The following THADA variants were observed in gnomAD, a reference collection of about 807,000 sequenced individuals.
The protein encoded by THADA is THADA armadillo repeat containing, also known as tRNA (32-2'-O)-methyltransferase regulator THADA.
THADA carries 213 observed loss-of-function variants against 219.8 expected under a neutral mutation model. The ratio of observed to expected loss-of-function variants is 0.97; its 90% CI spans 0.87 to 1.09. The LOEUF (loss-of-function observed/expected upper bound fraction) is 1.09. Ranked by LOEUF, THADA falls within the 50% of genes least tolerant of loss-of-function variation. The probability of loss-of-function intolerance (pLI) is 0.00; values close to 1 mark genes in which losing one functional copy is unlikely to be tolerated. For missense variants in THADA, 2,956 were observed against 2,311.3 expected, an observed-to-expected ratio of 1.28 and a Z score of -5.72; for synonymous variants, 1,018 against 828.9, an observed-to-expected ratio of 1.23 and a Z score of -3.92.
At chr2:43,350,180 C>A (rs1045403049) in intron 29 of THADA, among the ~76,000 whole-genome samples, 1 of 152,114 alleles carries the variant, frequency 6.6e-6, no homozygotes, top group African/African-American at 2.4e-5. Flanking sequence ...CGACTTAATT[C>A]ATACAAACAG....
rs776478700 is a variant in THADA, at chr2:43,231,160, GAGAC to G, written c.5646_5649del (p.Gln1884SerfsTer12). On this transcript the variant is annotated frameshift_variant, in exon 38 of 38. Coordinates refer to ENST00000405975, the MANE Select transcript of THADA (RefSeq NM_022065.5). LOFTEE classifies it high-confidence loss of function. ...GCTGGTGGAAGCTCTCTGAAGAACT[GAGAC>G]AGGAGGTGGCACTGCTCTGACACCA... The G allele has an allele frequency of 7.4e-6, 12 of 1,613,864 alleles. No individual in the cohort carries two copies. Among genetic ancestry groups the G allele is most frequent in the African/African-American group, 1.3e-5 (1 of 75,044 alleles).
Position 43,231,170 on chromosome 2 carries a change from G to A in THADA, c.5640C>T (p.His1880=). 1.2e-6 allele frequency: 2 copies of A among 1,613,872 alleles called. No homozygotes were observed. Among genetic ancestry groups the A allele is most frequent in the Non-Finnish European group, 1.7e-6 (2 of 1,179,836 alleles). Residue 1880 remains histidine (H), a synonymous_variant, in exon 38 of 38, where the codon CAC becomes CAT. Transcript: ENST00000405975. Reference sequence around the variant, plus strand: ...GCTCTCTGAAGAACTGAGACAGGAGGTGGCACTGCTCTGACACCATCCTTT... The same window carrying A: ...GCTCTCTGAAGAACTGAGACAGGAGATGGCACTGCTCTGACACCATCCTTT... ...HLQRMVSEQC[H]LLSQFFRELP...
intron 27 of THADA, 73 bp downstream of exon 27, chr2:43,430,140 A>T: frequency 1.4e-6 from 1 of 707,396 alleles, no homozygotes; most frequent in Non-Finnish European, 2.2e-6. Flanking sequence ...ACAGCTGCCT[A>T]GAGGGAAAAT....
chr2:43,586,893 T>C lies in THADA; in HGVS notation c.412A>G (p.Thr138Ala). 2 of 1,613,912 alleles carry C rather than the reference T, an allele frequency of 1.2e-6. No individual in the cohort carries two copies. Among genetic ancestry groups the C allele is most frequent in the Non-Finnish European group, 1.7e-6 (2 of 1,179,854 alleles). Residue 138 changes from threonine (T) to alanine (A), a missense_variant, in exon 5 of 38, where the codon ACT becomes GCT. Physicochemically the swap from Thr to Ala is moderately conservative, Grantham distance 58 (BLOSUM62 0). Transcript: ENST00000405975. ...TTDLYSYRKV[T>A]DNISSCMENF... ...TCCATACAGGAAGAAATATTGTCAG[T>C]AACTTTCCTGTAAGAGTATAAGTCA...
chr2:43,492,642 CTAAATG>C (rs1341771734), intron 25 of THADA, among the ~76,000 whole-genome samples: 1 of 152,152 alleles, frequency 6.6e-6, no homozygotes, highest in East Asian at 1.9e-4. Flanking sequence ...TCTGAGAAAA[CTAAATG>C]AGATTTGGGT....
intron 31 of THADA, among the ~76,000 whole-genome samples, chr2:43,308,547 ATTTAAGAATTAGGGC>A (rs1261036094): frequency 2.0e-5 from 3 of 152,022 alleles, no homozygotes; most frequent in African/African-American, 7.2e-5. Flanking sequence ...TTTACAAGAA[ATTTAAGAATTAGGGC>A]ATGGTGGCAT....
chr2:43,527,993 A>T lies in THADA; in HGVS notation c.3265-5T>A, dbSNP rs771122927. On this transcript the variant is annotated splice_polypyrimidine_tract_variant and splice_region_variant and intron_variant, in intron 21 of 37. Transcript: ENST00000405975. ...GTAATCTCCTATTTCTTTTACCTTT[A>T]AAAAAAAAGCAAAAACAAATGTCCG... The T allele has an allele frequency of 9.4e-5, 144 of 1,524,584 alleles. No homozygotes were observed. Among genetic ancestry groups the T allele is most frequent in the Admixed American group, 3.1e-4 (17 of 54,382 alleles). 94.4% of individuals were successfully genotyped at this position (1,524,584 alleles called of 1,614,324 possible). A position where few individuals can be genotyped will look rare whatever the true frequency, so the allele number is the denominator to read the frequency against.
Position 43,381,087 on chromosome 2 carries a change from G to A in THADA, c.4227+16884C>T, listed in dbSNP as rs556027311. Among the ~76,000 whole-genome samples, 132 of 111,220 alleles carry A rather than the reference G, an allele frequency of 1.2e-3. 1 individual carries two copies. The highest frequency in any genetic ancestry group is 4.9e-3 in the African/African-American group (128 of 26,016). 73.0% of individuals were successfully genotyped at this position (111,220 alleles called of 152,430 possible). A position where few individuals can be genotyped will look rare whatever the true frequency, so the allele number is the denominator to read the frequency against. ...CACTCCAGCCCGGGCGAGACAGAGC[G>A]AGACTTTGTCAAAAAAAAAAAAAAA... On this transcript the variant is annotated intron_variant, in intron 29 of 37. Coordinates refer to ENST00000405975, the MANE Select transcript of THADA (RefSeq NM_022065.5).
intron 1 of THADA, among the ~76,000 whole-genome samples, chr2:43,593,343 A>ATGAC (rs1701779479): frequency 6.6e-6 from 1 of 152,230 alleles, no homozygotes; most frequent in Admixed American, 6.5e-5. Flanking sequence ...ACAGCCCAAG[A>ATGAC]TGACTGCCAA....
chr2:43,549,583 A>G (rs1696510919), intron 19 of THADA, among the ~76,000 whole-genome samples: 2 of 152,200 alleles, frequency 1.3e-5, no homozygotes, highest in Non-Finnish European at 2.9e-5. Flanking sequence ...CTGAAATATA[A>G]CAACAAAAAA....
At chr2:43,448,560 C>CTTTTTTTTTTTTT (rs71410179) in intron 26 of THADA, among the ~76,000 whole-genome samples, 4 of 103,624 alleles carry the variant, frequency 3.9e-5, no homozygotes, top group East Asian at 3.1e-4. Flanking sequence ...TTCTTCCTTT[C>CTTTTTTTTTTTTT]TTTTTTTTTT....
chr2:43,500,248 A>T (rs1688777696), intron 24 of THADA, among the ~76,000 whole-genome samples: 1 of 152,158 alleles, frequency 6.6e-6, no homozygotes. Context: ...GCTAGTGGTT[A>T]CTCTTGGAGA....
At chr2:43,480,390 C>A (rs1686047359) in intron 26 of THADA, among the ~76,000 whole-genome samples, 1 of 152,178 alleles carries the variant, frequency 6.6e-6, no homozygotes, top group Non-Finnish European at 1.5e-5. Flanking sequence ...CTTCATCAGA[C>A]TTGGAGTCCC....
At chr2:43,326,184 A>C (rs531326206) in intron 30 of THADA, among the ~76,000 whole-genome samples, 1,834 of 142,812 alleles carry the variant, frequency 0.013, 22 homozygotes, top group African/African-American at 0.026. Flanking sequence ...AAAAAAAAAA[A>C]CACTTGAAAG....
At position 43,332,361 on chromosome 2, in the gene THADA, T is replaced by G. The variant is rs574227644; in HGVS notation, c.4343+11761A>C. Among the ~76,000 whole-genome samples, 5 of 152,370 alleles carry G rather than the reference T, an allele frequency of 3.3e-5. No individual in the cohort carries two copies. In the South Asian group the frequency reaches 1.0e-3, roughly 32 times the overall value. On this transcript the variant is annotated intron_variant, in intron 30 of 37. Transcript: ENST00000405975. ...CAAGCTGGCATTTATTTCTCCCTTCTCTGCTTCTGCAACACACTTTGACTA... is the reference window on the plus strand; with the variant it reads ...CAAGCTGGCATTTATTTCTCCCTTCGCTGCTTCTGCAACACACTTTGACTA...
At chr2:43,579,392 C>T (rs1410583860) in intron 8 of THADA, among the ~76,000 whole-genome samples, 6 of 152,188 alleles carry the variant, frequency 3.9e-5, no homozygotes, top group African/African-American at 1.4e-4. Flanking sequence ...ACACTGTACC[C>T]ATAGCAACCA....
At chr2:43,485,376 C>A in intron 25 of THADA, 51 bp from the exon 26 acceptor site, 4 of 1,313,046 alleles carry the variant, frequency 3.0e-6, no homozygotes, top group Non-Finnish European at 3.3e-6. Context: ...TGGCATGAAA[C>A]CAACGTTTAC....
Position 43,590,824 on chromosome 2 carries a change from CTTGCCAATA to C in THADA, c.293_301del (p.Val98_Ser101delinsGly). 1 of 1,604,840 alleles carries C rather than the reference CTTGCCAATA, an allele frequency of 6.2e-7. No homozygotes were observed. Among genetic ancestry groups the C allele is most frequent in the Non-Finnish European group, 8.5e-7 (1 of 1,177,130 alleles). On this transcript the variant is annotated inframe_deletion and splice_region_variant, in exon 4 of 38. Transcript: ENST00000405975. ...CAACTTCCCTTCCTTTTTTTCTTAC[CTTGCCAATA>C]CTTTCTTCAAGGGATTCTTTAGACT...
At chr2:43,500,401 T>A (rs1316679912) in intron 24 of THADA, among the ~76,000 whole-genome samples, 1 of 152,172 alleles carries the variant, frequency 6.6e-6, no homozygotes, top group African/African-American at 2.4e-5. Context: ...GTATATGTAC[T>A]ATAATTCCAT....
Sources: gnomAD v4.1 joint callset for allele counts (sites outside exome capture counted in the v4.1 genomes callset) on GRCh38, gnomAD v4.1.1 for gene constraint, MANE v1.5 for transcripts, NCBI Gene and HGNC (gene_info 2026-07-23, HGNC 2026-07-21) for gene names.